CASTOR2: variants seen among roughly 807,000 people sequenced by gnomAD.
CASTOR2 encodes cytosolic arginine sensor for mTORC1 subunit 2.
CASTOR2 carries 8 observed loss-of-function variants against 31.2 expected under a neutral mutation model. The ratio of observed to expected loss-of-function variants is 0.26; its 90% CI spans 0.15 to 0.46. CASTOR2 has a LOEUF of 0.46. Among genes scored for constraint, CASTOR2 ranks in the 20% least tolerant of loss-of-function variants. The probability of loss-of-function intolerance (pLI) is 0.99; values close to 1 mark genes in which losing one functional copy is unlikely to be tolerated. For synonymous variants in CASTOR2, 162 were observed against 158.7 expected (o/e 1.02, Z -0.16); for missense variants, 216 against 382.1 (o/e 0.57, Z 3.62).
In CASTOR2 at chr7:75,008,657, C is replaced by T. The variant is rs1187761836; in HGVS notation, c.184+593C>T. Among the ~76,000 whole-genome samples the T allele has an allele frequency of 2.0e-3, 305 of 152,254 alleles. 4 individuals carry two copies. The highest frequency in any genetic ancestry group is 0.016 in the South Asian group (76 of 4,828). On this transcript the variant is annotated intron_variant, in intron 2 of 8. Transcript: ENST00000616305. The stretch of plus-strand genomic sequence containing the variant: ...GCTGCAGTGAGCTGTTATTGAACCA[C>T]TGCTTTCCAGGCTGGAAGACAGAGC...
chr7:74,967,536 C>CTTT lies in CASTOR2; in HGVS notation c.113+2462_113+2464dup, dbSNP rs1185507666. ...TGAGGGTCCCTGTGCCACCTGTTTA[C>CTTT]TTTTTTTTTTTTTTTTTTTTTTTTT... On this transcript the variant is annotated intron_variant, in intron 1 of 8. Coordinates refer to ENST00000616305, the MANE Select transcript of CASTOR2 (RefSeq NM_001145064.3). Among the ~76,000 whole-genome samples, 153 of 43,520 alleles carry CTTT rather than the reference C, an allele frequency of 3.5e-3. 6 individuals are homozygous for CTTT. The highest frequency in any genetic ancestry group is 0.011 in the African/African-American group (150 of 14,000). The allele number at this position is 43,520 out of a possible 152,430, so 28.6% of individuals were successfully genotyped here.
chr7:75,018,291 G>A (rs1804912782), intron 4 of CASTOR2, among the ~76,000 whole-genome samples, 169 bp downstream of exon 4: 1 of 152,196 alleles, frequency 6.6e-6, no homozygotes, highest in South Asian at 2.1e-4. Context: ...TGTAATCCCA[G>A]CACTTTGGGA....
intron 1 of CASTOR2, among the ~76,000 whole-genome samples, chr7:75,000,712 C>T (rs1333480414): frequency 6.6e-6 from 1 of 152,130 alleles, no homozygotes; most frequent in Non-Finnish European, 1.5e-5. Flanking sequence ...GTCTGGAGTG[C>T]AGTGGCACAA....
chr7:74,998,326 G>A (rs1400121022), intron 1 of CASTOR2, among the ~76,000 whole-genome samples: 2 of 152,040 alleles, frequency 1.3e-5, no homozygotes, highest in East Asian at 1.9e-4. Flanking sequence ...AAATGGGGCC[G>A]GGCACGGTGG....
chr7:75,017,604 C>T lies in CASTOR2; in HGVS notation c.191C>T (p.Pro64Leu). The change falls in exon 3 of 9, where the codon CCC becomes CTC. Residue 64 changes from proline (P) to leucine (L), a missense_variant. Coordinates refer to ENST00000616305, the MANE Select transcript of CASTOR2 (RefSeq NM_001145064.3). ...IVDEEGFLEL[P>L]SSEHLSVADA... ...CTTCTGTGTCTCCCTCCAGAGCTGC[C>T]CTCCTCGGAGCACCTGAGTGTGGCA... 1 of 1,613,942 alleles carries T rather than the reference C, an allele frequency of 6.2e-7. No individual in the cohort carries two copies. Among genetic ancestry groups the T allele is most frequent in the Non-Finnish European group, 8.5e-7 (1 of 1,179,858 alleles).
chr7:75,017,714 A>C lies in CASTOR2; in HGVS notation c.301A>C (p.Lys101Gln). The stretch of plus-strand genomic sequence containing the variant: ...GCCCATCGGCGTGACCAAGATCGCC[A>C]AGTCAGTCATCGCCCCACTGGCTGA... ...SQPIGVTKIA[K>Q]SVIAPLADQN... Residue 101 changes from lysine (K) to glutamine (Q), a missense_variant, in exon 3 of 9, where the codon AAG becomes CAG. By Grantham distance (53) the Lys-to-Gln change is moderately conservative (BLOSUM62 1). Around this residue, in one of 5 missense-constraint regions of CASTOR2, gnomAD observed 114 missense variants for 194.2 expected, o/e 0.59. Transcript: ENST00000616305. 6.2e-7 allele frequency: 1 copy of C among 1,614,028 alleles called. No individual in the cohort carries two copies. Among genetic ancestry groups the C allele is most frequent in the African/African-American group, 1.3e-5 (1 of 75,054 alleles).
chr7:75,006,228 G>A (rs1305916726), intron 1 of CASTOR2, among the ~76,000 whole-genome samples: 1 of 152,172 alleles, frequency 6.6e-6, no homozygotes, highest in African/African-American at 2.4e-5. Context: ...AGGCTTCCAT[G>A]AGCTGTGATT....
At chr7:74,999,618 T>C (rs1804445199) in intron 1 of CASTOR2, among the ~76,000 whole-genome samples, 1 of 102,722 alleles carries the variant, frequency 9.7e-6, no homozygotes, top group Non-Finnish European at 2.2e-5. Context: ...TTTTTTTTTT[T>C]TTTTTTTTTT....
chr7:74,990,402 A>C (rs1482309867), intron 1 of CASTOR2, among the ~76,000 whole-genome samples: 1 of 151,198 alleles, frequency 6.6e-6, no homozygotes. Context: ...AAACAAAAAC[A>C]AAAAACAACA....
chr7:74,990,770 A>G (rs2131930404), intron 1 of CASTOR2, among the ~76,000 whole-genome samples: 1 of 152,236 alleles, frequency 6.6e-6, no homozygotes, highest in Admixed American at 6.5e-5. Flanking sequence ...CAGGAGAATC[A>G]CTTGAATGCG....
chr7:75,008,118 T>C (rs1489280750), intron 2 of CASTOR2, 54 bp downstream of exon 2: 13 of 1,606,014 alleles, frequency 8.1e-6, no homozygotes, highest in Non-Finnish European at 1.1e-5. Context: ...AAGTCAGGGC[T>C]GGCTGCCCAC....
At chr7:75,008,435 G>A (rs1160632764) in intron 2 of CASTOR2, among the ~76,000 whole-genome samples, 2 of 152,148 alleles carry the variant, frequency 1.3e-5, no homozygotes, top group Non-Finnish European at 2.9e-5. Context: ...TCAGTCGGGC[G>A]CAGTGGCTCA....
intron 1 of CASTOR2, 149 bp from the exon 2 acceptor site, chr7:75,007,845 G>A: frequency 1.1e-6 from 1 of 949,468 alleles, no homozygotes; most frequent in Non-Finnish European, 1.7e-6. Flanking sequence ...CATGAAGGGA[G>A]AGATAAACAA....
chr7:75,018,900 C>T, intron 4 of CASTOR2, 72 bp from the exon 5 acceptor site: 1 of 1,551,224 alleles, frequency 6.4e-7, no homozygotes, highest in Non-Finnish European at 8.7e-7. Context: ...GCCCTCTTCC[C>T]AGGCCCTGCA....
intron 5 of CASTOR2, 147 bp downstream of exon 5, chr7:75,019,242 G>GA (rs1804936024): frequency 5.0e-6 from 7 of 1,404,890 alleles, no homozygotes; most frequent in Middle Eastern, 2.4e-4. Flanking sequence ...AGTCTGAGCA[G>GA]AGAGACATGG....
At chr7:74,999,306 G>A (rs1477183169) in intron 1 of CASTOR2, among the ~76,000 whole-genome samples, 2 of 152,134 alleles carry the variant, frequency 1.3e-5, no homozygotes, top group East Asian at 1.9e-4. Flanking sequence ...CACCGCGCCC[G>A]ACCTTATTTT....
intron 1 of CASTOR2, among the ~76,000 whole-genome samples, chr7:74,998,708 T>A (rs782704343): frequency 6.6e-6 from 1 of 151,696 alleles, no homozygotes; most frequent in African/African-American, 2.4e-5. Context: ...GAAAGGAAGT[T>A]GGGCTGGGGA....
chr7:75,004,074 C>A (rs1409681618), intron 1 of CASTOR2, among the ~76,000 whole-genome samples: 1 of 152,146 alleles, frequency 6.6e-6, no homozygotes. Flanking sequence ...GCAAGGGCCG[C>A]GTCTGTTTGC....
rs1203871131 is a variant in CASTOR2 at position 75,028,907 on chromosome 7, TTCTCACCTCC to T, written c.*4219_*4228del. Among the ~76,000 whole-genome samples the T allele has an allele frequency of 5.9e-5, 9 of 152,284 alleles. No homozygotes were observed. Among genetic ancestry groups the T allele is most frequent in the African/African-American group, 1.2e-4 (5 of 41,566 alleles). On this transcript the variant is annotated 3_prime_UTR_variant, in exon 9 of 9. Transcript: ENST00000616305. ...AAAGCCTCACTCCAAACCACTGGCA[TTCTCACCTCC>T]TCTCACCTCCAGGCACCAGGCTGCT...
Sources: gnomAD v4.1 joint callset for allele counts (sites outside exome capture counted in the v4.1 genomes callset) on GRCh38, gnomAD v4.1.1 for gene constraint, gnomAD v4.1.1 regional missense constraint, MANE v1.5 for transcripts, NCBI Gene and HGNC (gene_info 2026-07-23, HGNC 2026-07-21) for gene names.